The following RMDN3 variants were observed in gnomAD, a reference collection of about 807,000 sequenced individuals.
RMDN3 encodes the protein regulator of microtubule dynamics protein 3.
RMDN3 carries 41 observed loss-of-function variants against 61.8 expected under a neutral mutation model. The ratio of observed to expected loss-of-function variants is 0.66; its 90% CI spans 0.52 to 0.86. RMDN3 has a LOEUF of 0.86. Among genes scored for constraint, RMDN3 ranks in the 40% least tolerant of loss-of-function variants. RMDN3 has a pLI of 0.00. For missense variants in RMDN3, 557 were observed against 585.3 expected (o/e 0.95, Z 0.50); for synonymous variants, 247 against 232.0 (o/e 1.06, Z -0.59).
intron 12 of RMDN3, among the ~76,000 whole-genome samples, chr15:40,736,826 C>T (rs1435665726): frequency 6.6e-6 from 1 of 152,064 alleles, no homozygotes; most frequent in Non-Finnish European, 1.5e-5. Context: ...AAAAATGTCA[C>T]ATGATGATTC....
At chr15:40,743,417 TA>T (rs11300441) in intron 6 of RMDN3, among the ~76,000 whole-genome samples, 87,273 of 144,650 alleles carry the variant, frequency 0.6, 26,123 homozygotes, top group East Asian at 0.89. Context: ...AAAGACTGTT[TA>T]AAAAAAAAAA....
At chr15:40,737,225 A>G in intron 11 of RMDN3, 21 bp from the exon 12 acceptor site, 1 of 1,612,736 alleles carries the variant, frequency 6.2e-7, no homozygotes, top group African/African-American at 1.3e-5. Context: ...ACAACAGTGA[A>G]ACCTGATACT....
chr15:40,740,146 C>T lies in RMDN3; in HGVS notation c.958G>A (p.Asp320Asn), dbSNP rs151276576. Reference sequence around the variant, plus strand: ...GGGTGTTATTACCACAGGTGACAGTCAGCACTCTCATCCCCCTTCTCCAGA... The same window carrying T: ...GGGTGTTATTACCACAGGTGACAGTTAGCACTCTCATCCCCCTTCTCCAGA... ...AALEKGDESADCHLWYAVLCG... is the reference protein window; with the variant it reads ...AALEKGDESANCHLWYAVLCG... The change falls in exon 7 of 13, where the codon GAC (aspartate) becomes AAC (asparagine). Residue 320 changes from aspartate (D) to asparagine (N), a missense_variant. Transcript: ENST00000338376. 1.2e-6 allele frequency: 2 copies of T among 1,610,440 alleles called. No homozygotes were observed. The highest frequency in any genetic ancestry group is 1.3e-5 in the African/African-American group (1 of 75,012).
In RMDN3 at chr15:40,744,943, G is replaced by A. The variant is rs1292267937; in HGVS notation, c.807+34C>T. The A allele has an allele frequency of 2.6e-6, 4 of 1,550,610 alleles. No homozygotes were observed. The East Asian group carries it at 9.1e-5, about 35-fold the overall frequency. ...GGAACAGAGAGATGGAGGGAGGGAG[G>A]GAAGGAGAAGGAGACAGGCAGCTGG... On this transcript the variant is annotated intron_variant, in intron 5 of 12. Coordinates refer to ENST00000338376, the MANE Select transcript of RMDN3 (RefSeq NM_018145.3).
chr15:40,737,561 C>T, intron 10 of RMDN3, 67 bp downstream of exon 10: 1 of 1,434,142 alleles, frequency 7.0e-7, no homozygotes, highest in Non-Finnish European at 9.8e-7. Flanking sequence ...TTAAGGGTCT[C>T]AATAATGTCC....
chr15:40,746,194 G>C (rs1897539688), intron 4 of RMDN3, among the ~76,000 whole-genome samples: 1 of 152,160 alleles, frequency 6.6e-6, no homozygotes, highest in African/African-American at 2.4e-5. Flanking sequence ...GACTGAGCAG[G>C]GGAAAAGGTA....
At position 40,737,194 on chromosome 15, in the gene RMDN3, T is replaced by G. The variant is rs749649385; in HGVS notation, c.1289A>C (p.Glu430Ala). ...GRVYISKCYR[E>A]LGKNSEARWW... ...TCTAGCTTCAGAGTTTTTCCCTAGT[T>G]CTCTGTAGCACTGAAAAGAGACAAC... is the stretch of plus-strand genomic sequence containing the variant. The change falls in exon 12 of 13, where the codon GAA (glutamate) becomes GCA (alanine). Residue 430 changes from glutamate to alanine, a missense_variant. Glu to Ala is a moderately radical substitution (Grantham distance 107). Coordinates refer to ENST00000338376, the MANE Select transcript of RMDN3 (RefSeq NM_018145.3). 6.1e-5 allele frequency: 99 copies of G among 1,614,068 alleles called. No individual in the cohort carries two copies. Among genetic ancestry groups the G allele is most frequent in the Non-Finnish European group, 8.2e-5 (97 of 1,180,020 alleles).
At chr15:40,752,237 T>A (rs1897861174) in intron 2 of RMDN3, 59 bp from the exon 3 acceptor site, 2 of 1,522,032 alleles carry the variant, frequency 1.3e-6, no homozygotes, top group Non-Finnish European at 1.8e-6. Flanking sequence ...GGAAGAGATC[T>A]CACACCCAGA....
In RMDN3 at chr15:40,744,148, T is replaced by G; in HGVS notation, c.809A>C (p.Tyr270Ser). 6.2e-7 allele frequency: 1 copy of G among 1,613,292 alleles called. No individual in the cohort carries two copies. Among genetic ancestry groups the G allele is most frequent in the East Asian group, 2.2e-5 (1 of 44,882 alleles). ...CCAGAGAAAGTCCTGCCGGCTTCCA[T>G]ACTGCAGACCAGACAGAAACGGGTG... is the stretch of plus-strand genomic sequence containing the variant. Reference protein sequence around the residue: ...FQLLLNNKLVYGSRQDFLWRL... With the variant: ...FQLLLNNKLVSGSRQDFLWRL... Residue 270 changes from tyrosine to serine, a missense_variant and splice_region_variant, in exon 6 of 13, where the codon TAT becomes TCT. By Grantham distance (144) the Tyr-to-Ser change is moderately radical. Coordinates refer to ENST00000338376, the MANE Select transcript of RMDN3 (RefSeq NM_018145.3).
At chr15:40,743,880 C>T (rs566115879) in intron 6 of RMDN3, among the ~76,000 whole-genome samples, 167 bp downstream of exon 6, 16 of 152,286 alleles carry the variant, frequency 1.1e-4, no homozygotes, top group Admixed American at 9.2e-4. Context: ...CTCTCTTCTT[C>T]CAGAGGAGAA....
intron 4 of RMDN3, among the ~76,000 whole-genome samples, chr15:40,746,263 C>CCCA (rs1897546333): frequency 1.3e-5 from 2 of 152,148 alleles, no homozygotes; most frequent in South Asian, 2.1e-4. Flanking sequence ...CGCCTGTAAT[C>CCCA]CCAGCACTTT....
intron 10 of RMDN3, 69 bp downstream of exon 10, chr15:40,737,559 C>T: frequency 1.4e-6 from 2 of 1,416,332 alleles, no homozygotes; most frequent in Non-Finnish European, 2.0e-6. Context: ...CATTAAGGGT[C>T]TCAATAATGT....
At chr15:40,751,175 G>A (rs1897804128) in intron 4 of RMDN3, among the ~76,000 whole-genome samples, 1 of 152,202 alleles carries the variant, frequency 6.6e-6, no homozygotes, top group African/African-American at 2.4e-5. Flanking sequence ...ACAGAAAAAT[G>A]CCCAAATAAT....
At chr15:40,747,809 C>G (rs562793473) in intron 4 of RMDN3, 74 of 152,228 alleles carry the variant, frequency 4.9e-4, no homozygotes, top group African/African-American at 1.7e-3. Flanking sequence ...CACATCTCTC[C>G]TCCTGGCAAT....
At chr15:40,738,460 G>A (rs762199928) in intron 8 of RMDN3, 41 bp downstream of exon 8, 4 of 1,601,612 alleles carry the variant, frequency 2.5e-6, no homozygotes, top group Non-Finnish European at 3.4e-6. Flanking sequence ...GGGGAATCTG[G>A]GATAGGCCAG....
Position 40,737,270 on chromosome 15 carries a change from G to A in RMDN3, c.1278+18C>T. The A allele has an allele frequency of 1.2e-6, 2 of 1,613,302 alleles. No individual in the cohort carries two copies. Among genetic ancestry groups the A allele is most frequent in the African/African-American group, 1.3e-5 (1 of 75,010 alleles). ...CAGGAGTTCCCAGATCTATGTTGAA[G>A]TAGACAAATGAGTTTACCTTGGAAA... On this transcript the variant is annotated intron_variant, in intron 11 of 12. Coordinates refer to ENST00000338376, the MANE Select transcript of RMDN3 (RefSeq NM_018145.3).
At chr15:40,755,034 C>T (rs891869102) in intron 1 of RMDN3, 49 bp downstream of exon 1, 5 of 433,304 alleles carry the variant, frequency 1.2e-5, no homozygotes, top group Non-Finnish European at 2.1e-5. Context: ...CTCCAGTACA[C>T]CCCCCGACCC....
At chr15:40,737,007 C>A (rs367628887) in intron 12 of RMDN3, 117 bp downstream of exon 12, 1 of 848,408 alleles carries the variant, frequency 1.2e-6, no homozygotes, top group Non-Finnish European at 2.0e-6. Flanking sequence ...GCGTGCGCCA[C>A]TAGGCCCAAC....
intron 2 of RMDN3, 48 bp from the exon 3 acceptor site, chr15:40,752,226 G>T (rs746742674): frequency 6.4e-7 from 1 of 1,565,828 alleles, no homozygotes; most frequent in East Asian, 2.3e-5. Flanking sequence ...GAATATGGTG[G>T]GGAAGAGATC....
Sources: gnomAD v4.1 joint callset for allele counts (sites outside exome capture counted in the v4.1 genomes callset) on GRCh38, gnomAD v4.1.1 for gene constraint, MANE v1.5 for transcripts, NCBI Gene and HGNC (gene_info 2026-07-23, HGNC 2026-07-21) for gene names.